The following GJD2 variants were observed in gnomAD, a reference collection of about 807,000 sequenced individuals.
The protein encoded by GJD2 is gap junction protein delta 2.
A neutral mutation model predicts 24.3 loss-of-function variants in GJD2; 12 were observed. The ratio of observed to expected loss-of-function variants is 0.49; its 90% CI spans 0.32 to 0.80. The LOEUF (loss-of-function observed/expected upper bound fraction) is 0.80. Among genes scored for constraint, GJD2 ranks in the 30% least tolerant of loss-of-function variants. GJD2 has a pLI of 0.04. For missense variants in GJD2, 268 were observed against 402.4 expected, an observed-to-expected ratio of 0.67 and a Z score of 2.86; for synonymous variants, 171 against 155.2, an observed-to-expected ratio of 1.10 and a Z score of -0.76.
chr15:34,752,653 C>T lies in GJD2; in HGVS notation c.791G>A (p.Cys264Tyr). 1 of 1,614,238 alleles carries T rather than the reference C, an allele frequency of 6.2e-7. No homozygotes were observed. The highest frequency in any genetic ancestry group is 8.5e-7 in the Non-Finnish European group (1 of 1,180,044). Residue 264 changes from cysteine to tyrosine, a missense_variant, in exon 2 of 2, where the codon TGT becomes TAT. By Grantham distance (194) the Cys-to-Tyr change is radical. Coordinates refer to ENST00000290374, the MANE Select transcript of GJD2 (RefSeq NM_020660.3). Reference protein sequence around the residue: ...LVFMFAVSGICVVLNLAELNH... With the variant: ...LVFMFAVSGIYVVLNLAELNH... ...GAGTTCAGCCAGGTTGAGCACAACACAGATGCCACTTACAGCAAACATGAA... is the reference window on the plus strand; with the variant it reads ...GAGTTCAGCCAGGTTGAGCACAACATAGATGCCACTTACAGCAAACATGAA...
rs373791515 is a variant in GJD2 at position 34,754,524 on chromosome 15, C to A, written c.-36G>T. On this transcript the variant is annotated 5_prime_UTR_variant, in exon 1 of 2. Transcript: ENST00000290374. This position sits in a 1 kb window ranked among gnomAD's most constrained non-coding sequence, Gnocchi z 5.9. Reference sequence around the variant, plus strand: ...CCGGAGGCAGCAGACAAAGACTGGGCAGCACCGGGCACGTTCCCGCTCCTG... The same window carrying A: ...CCGGAGGCAGCAGACAAAGACTGGGAAGCACCGGGCACGTTCCCGCTCCTG... The A allele has an allele frequency of 6.4e-7, 1 of 1,555,620 alleles. No homozygotes were observed. The highest frequency in any genetic ancestry group is 8.9e-7 in the Non-Finnish European group (1 of 1,126,844).
At position 34,752,772 on chromosome 15, in the gene GJD2, A is replaced by G. The variant is rs541796988; in HGVS notation, c.672T>C (p.Ser224=). The change falls in exon 2 of 2, where the codon AGT becomes AGC. Residue 224 remains serine (S), a synonymous_variant. Coordinates refer to ENST00000290374, the MANE Select transcript of GJD2 (RefSeq NM_020660.3). ...GGTTACACTCATACAACCCTGGGAC[A>G]CTAAAGCCATAGAGAAAATATTGGC... is the stretch of plus-strand genomic sequence containing the variant. ...LVGQYFLYGF[S]VPGLYECNRY... 16 of 1,614,228 alleles carry G rather than the reference A, an allele frequency of 9.9e-6. No individual in the cohort carries two copies. In the East Asian group the frequency reaches 1.8e-4, roughly 18 times the overall value.
Position 34,754,561 on chromosome 15 carries a change from G to C in GJD2, c.-73C>G. 8.0e-7 allele frequency: 1 copy of C among 1,256,202 alleles called. No homozygotes were observed. The highest frequency in any genetic ancestry group is 1.2e-6 in the Non-Finnish European group (1 of 856,596). 77.8% of individuals were successfully genotyped at this position (1,256,202 alleles called of 1,614,324 possible). Reference sequence around the variant, plus strand: ...CGTTCCCGCTCCTGGCCCCTCCCCGGGCCGCACTTCCAGAATGGGAGTGAA... The same window carrying C: ...CGTTCCCGCTCCTGGCCCCTCCCCGCGCCGCACTTCCAGAATGGGAGTGAA... On this transcript the variant is annotated 5_prime_UTR_variant, in exon 1 of 2. Coordinates refer to ENST00000290374, the MANE Select transcript of GJD2 (RefSeq NM_020660.3). This position sits in a 1 kb window ranked among gnomAD's most constrained non-coding sequence, Gnocchi z 5.9.
In GJD2 at chr15:34,754,551, C is replaced by T; in HGVS notation, c.-63G>A. ...GCACCGGGCACGTTCCCGCTCCTGG[C>T]CCCTCCCCGGGCCGCACTTCCAGAA... On this transcript the variant is annotated 5_prime_UTR_variant, in exon 1 of 2. Coordinates refer to ENST00000290374, the MANE Select transcript of GJD2 (RefSeq NM_020660.3). The surrounding 1 kb of genome is among the most constrained non-coding windows in gnomAD (Gnocchi z 5.9). 7.3e-7 allele frequency: 1 copy of T among 1,364,862 alleles called. No homozygotes were observed. The highest frequency in any genetic ancestry group is 1.7e-5 in the Admixed American group (1 of 59,180). 84.5% of individuals were successfully genotyped at this position (1,364,862 alleles called of 1,614,324 possible).
At position 34,754,219 on chromosome 15, in the gene GJD2, GGAGTAGCTA is replaced by G. The variant is rs577332804; in HGVS notation, c.71+190_71+198del. On this transcript the variant is annotated intron_variant, in intron 1 of 1. Transcript: ENST00000290374. This position sits in a 1 kb window ranked among gnomAD's most constrained non-coding sequence, Gnocchi z 5.9. Reference sequence around the variant, plus strand: ...TGGGGAAGGGATGGGCAGCTGGTTAGGAGTAGCTAGAGGAGGGGGGCATCGCGGGGCGTC... The same window carrying G: ...TGGGGAAGGGATGGGCAGCTGGTTAGGAGGAGGGGGGCATCGCGGGGCGTC... Among the ~76,000 whole-genome samples, 352 of 152,322 alleles carry G rather than the reference GGAGTAGCTA, an allele frequency of 2.3e-3. No individual in the cohort carries two copies. Among genetic ancestry groups the G allele is most frequent in the Non-Finnish European group, 3.7e-3 (254 of 68,036 alleles).
In GJD2 at chr15:34,752,108, T is replaced by A; in HGVS notation, c.*370A>T. On this transcript the variant is annotated 3_prime_UTR_variant, in exon 2 of 2. Coordinates refer to ENST00000290374, the MANE Select transcript of GJD2 (RefSeq NM_020660.3). ...GGGTTGAGATAGGTCACAAATTTTA[T>A]ATCAATGAAGTACTCAACTCACACC... is the stretch of plus-strand genomic sequence containing the variant. 4.5e-6 allele frequency: 1 copy of A among 222,336 alleles called. No homozygotes were observed. The highest frequency in any genetic ancestry group is 9.0e-6 in the Non-Finnish European group (1 of 111,122). The allele number at this position is 222,336 out of a possible 1,614,324, so 13.8% of individuals were successfully genotyped here.
chr15:34,753,356 C>T lies in GJD2; in HGVS notation c.88G>A (p.Val30Met), dbSNP rs772202761. The stretch of plus-strand genomic sequence containing the variant: ...ACAATGAGGATCCGGAAGATCACCA[C>T]CACAGTCAACAGGATCCTGAACGGA... The part of the protein sequence containing the change: ...TMIGRILLTV[V>M]VIFRILIVAI... Residue 30 changes from valine (V) to methionine (M), a missense_variant, in exon 2 of 2, where the codon GTG (valine) becomes ATG (methionine). Transcript: ENST00000290374. 6.2e-7 allele frequency: 1 copy of T among 1,602,828 alleles called. No individual in the cohort carries two copies. Among genetic ancestry groups the T allele is most frequent in the East Asian group, 2.2e-5 (1 of 44,752 alleles).
Position 34,751,799 on chromosome 15 carries a change from T to C in GJD2, c.*679A>G, listed in dbSNP as rs1328712276. On this transcript the variant is annotated 3_prime_UTR_variant, in exon 2 of 2. Coordinates refer to ENST00000290374, the MANE Select transcript of GJD2 (RefSeq NM_020660.3). ...AGTTTGAGTTAGAAAACTGGAAATA[T>C]TGAGACATTCCTAAGGTTTTCATCA... 7.5e-6 allele frequency: 1 copy of C among 133,876 alleles called. No individual in the cohort carries two copies. Among genetic ancestry groups the C allele is most frequent in the Non-Finnish European group, 1.6e-5 (1 of 63,784 alleles). 8.3% of individuals were successfully genotyped at this position (133,876 alleles called of 1,614,324 possible). A position where few individuals can be genotyped will look rare whatever the true frequency, so the allele number is the denominator to read the frequency against.
Position 34,753,068 on chromosome 15 carries a change from C to T in GJD2, c.376G>A (p.Gly126Ser). 1.9e-6 allele frequency: 3 copies of T among 1,614,090 alleles called. No homozygotes were observed. Among genetic ancestry groups the T allele is most frequent in the East Asian group, 4.5e-5 (2 of 44,874 alleles). The change falls in exon 2 of 2, where the codon GGT becomes AGT. Residue 126 changes from glycine to serine, a missense_variant. Gly to Ser is a moderately conservative substitution (Grantham distance 56). Around this residue, in one of 3 missense-constraint regions of GJD2, gnomAD observed 87 missense variants for 77.8 expected, o/e 1.12. Coordinates refer to ENST00000290374, the MANE Select transcript of GJD2 (RefSeq NM_020660.3). ...CCCCCACCCCCAGTTCCTCCAGGAC[C>T]TCCTATGGACTCAGGGGGGTCTCTG... is the stretch of plus-strand genomic sequence containing the variant. The part of the protein sequence containing the change: ...LDRDPPESIG[G>S]PGGTGGGGSG...
At chr15:34,753,741 G>C (rs1286313118) in intron 1 of GJD2, among the ~76,000 whole-genome samples, 1 of 152,080 alleles carries the variant, frequency 6.6e-6, no homozygotes, top group Non-Finnish European at 1.5e-5. Flanking sequence ...TGCATGCTTC[G>C]AGGTCTACAC....
In GJD2 at chr15:34,754,421, C is replaced by G; in HGVS notation, c.68G>C (p.Gly23Ala). The change falls in exon 1 of 2, where the codon GGG becomes GCG. Residue 23 changes from glycine (G) to alanine (A), a missense_variant. Gly to Ala is a moderately conservative substitution (Grantham distance 60). Transcript: ENST00000290374. This position sits in a 1 kb window ranked among gnomAD's most constrained non-coding sequence, Gnocchi z 5.9. Reference protein sequence around the residue: ...AAVQQHSTMIGRILLTVVVIF... With the variant: ...AAVQQHSTMIARILLTVVVIF... ...ACCGCCGGCTTGGCGCCCTTACCTC[C>G]CGATCATAGTGGAGTGCTGCTGCAC... 6.2e-7 allele frequency: 1 copy of G among 1,613,644 alleles called. No individual in the cohort carries two copies. The highest frequency in any genetic ancestry group is 8.5e-7 in the Non-Finnish European group (1 of 1,179,686).
In GJD2 at chr15:34,752,899, C is replaced by G. The variant is rs201623529; in HGVS notation, c.545G>C (p.Arg182Pro). ...KELTPHPSGL[R>P]TASKSKLRRQ... ...TCTGAGCTTGGATTTTGATGCAGTG[C>G]GTAGACCTGATGGGTGTGGAGTCAG... The change falls in exon 2 of 2, where the codon CGC (arginine) becomes CCC (proline). Residue 182 changes from arginine (R) to proline (P), a missense_variant. Transcript: ENST00000290374. 4 of 1,613,982 alleles carry G rather than the reference C, an allele frequency of 2.5e-6. No homozygotes were observed. The Admixed American group carries it at 6.7e-5, about 27-fold the overall frequency.
rs773314897 is a variant in GJD2, at chr15:34,754,448, G to C, written c.41C>G (p.Ala14Gly). The change falls in exon 1 of 2, where the codon GCG (alanine) becomes GGG (glycine). Residue 14 changes from alanine (A) to glycine (G), a missense_variant. This residue lies in a region of GJD2 where 66 missense variants were observed against 129.5 expected (regional missense o/e 0.51). Transcript: ENST00000290374. The surrounding 1 kb of genome is among the most constrained non-coding windows in gnomAD (Gnocchi z 5.9). ...WTILERLLEA[A>G]VQQHSTMIGR... Reference sequence around the variant, plus strand: ...GATCATAGTGGAGTGCTGCTGCACCGCGGCTTCTAGCAGCCTCTCCAAGAT... The same window carrying C: ...GATCATAGTGGAGTGCTGCTGCACCCCGGCTTCTAGCAGCCTCTCCAAGAT... The C allele has an allele frequency of 5.6e-6, 9 of 1,613,816 alleles. No homozygotes were observed. The highest frequency in any genetic ancestry group is 6.8e-6 in the Non-Finnish European group (8 of 1,179,878).
chr15:34,754,381 C>A lies in GJD2; in HGVS notation c.71+37G>T, dbSNP rs1156436447. On this transcript the variant is annotated intron_variant, in intron 1 of 1. Transcript: ENST00000290374. The surrounding 1 kb of genome is among the most constrained non-coding windows in gnomAD (Gnocchi z 5.9). Reference sequence around the variant, plus strand: ...TGAGAAGGGACTCCCGGGGGCCGCCCGACGGGGCCCCCTGACCGCCGGCTT... The same window carrying A: ...TGAGAAGGGACTCCCGGGGGCCGCCAGACGGGGCCCCCTGACCGCCGGCTT... 1 of 1,546,924 alleles carries A rather than the reference C, an allele frequency of 6.5e-7. No homozygotes were observed. Among genetic ancestry groups the A allele is most frequent in the Non-Finnish European group, 8.9e-7 (1 of 1,120,052 alleles).
At chr15:34,753,543 T>C (rs1156849685) in intron 1 of GJD2, among the ~76,000 whole-genome samples, 171 bp from the exon 2 acceptor site, 1 of 152,206 alleles carries the variant, frequency 6.6e-6, no homozygotes, top group Non-Finnish European at 1.5e-5. Context: ...TCTCTTCCTT[T>C]TCTGCTGAGT....
rs1292412738 is a variant in GJD2, at chr15:34,754,385, G to A, written c.71+33C>T. 3.2e-6 allele frequency: 5 copies of A among 1,578,718 alleles called. No homozygotes were observed. The highest frequency in any genetic ancestry group is 1.1e-5 in the South Asian group (1 of 90,294). On this transcript the variant is annotated intron_variant, in intron 1 of 1. Coordinates refer to ENST00000290374, the MANE Select transcript of GJD2 (RefSeq NM_020660.3). The surrounding 1 kb of genome is among the most constrained non-coding windows in gnomAD (Gnocchi z 5.9). ...AAGGGACTCCCGGGGGCCGCCCGACGGGGCCCCCTGACCGCCGGCTTGGCG... is the reference window on the plus strand; with the variant it reads ...AAGGGACTCCCGGGGGCCGCCCGACAGGGCCCCCTGACCGCCGGCTTGGCG...
At chr15:34,753,625 T>C (rs910982721) in intron 1 of GJD2, among the ~76,000 whole-genome samples, 4 of 152,152 alleles carry the variant, frequency 2.6e-5, no homozygotes, top group African/African-American at 7.2e-5. Context: ...GGACATAGTC[T>C]ACTTGCAACA....
rs1566960568 is a variant in GJD2, at chr15:34,754,609, AT to A, written c.-122del. On this transcript the variant is annotated 5_prime_UTR_variant, in exon 1 of 2. Coordinates refer to ENST00000290374, the MANE Select transcript of GJD2 (RefSeq NM_020660.3). This position sits in a 1 kb window ranked among gnomAD's most constrained non-coding sequence, Gnocchi z 5.9. ...GAATTGCCTCCCAATTAAAGAAGCAATTTTTTAAAAAATCCTCGAATCCCCC... is the reference window on the plus strand; with the variant it reads ...GAATTGCCTCCCAATTAAAGAAGCAATTTTTAAAAAATCCTCGAATCCCCC... The A allele has an allele frequency of 2.5e-5, 18 of 729,976 alleles. No individual in the cohort carries two copies. Among genetic ancestry groups the A allele is most frequent in the South Asian group, 3.1e-5 (2 of 64,750 alleles). The allele number at this position is 729,976 out of a possible 1,614,324, so 45.2% of individuals were successfully genotyped here.
At position 34,752,808 on chromosome 15, in the gene GJD2, C is replaced by T; in HGVS notation, c.636G>A (p.Gly212=). Residue 212 remains glycine (G), a synonymous_variant, in exon 2 of 2, where the codon GGG becomes GGA. Transcript: ENST00000290374. ...AGAGAAAATATTGGCCAACCAGGAA[C>T]CCAATTTCCAGGGCATTTCGGAACA... ...QVVFRNALEI[G]FLVGQYFLYG... 6.2e-7 allele frequency: 1 copy of T among 1,614,110 alleles called. No homozygotes were observed. The highest frequency in any genetic ancestry group is 8.5e-7 in the Non-Finnish European group (1 of 1,179,992).
Sources: gnomAD v4.1 joint callset for allele counts (sites outside exome capture counted in the v4.1 genomes callset) on GRCh38, gnomAD v4.1.1 for gene constraint, gnomAD v4.1.1 regional missense constraint, Gnocchi (gnomAD v3.1) non-coding constraint, MANE v1.5 for transcripts, NCBI Gene and HGNC (gene_info 2026-07-23, HGNC 2026-07-21) for gene names.